NAA38: variants seen among roughly 807,000 people sequenced by gnomAD.
NAA38 encodes the protein LSM domain containing 1.
In NAA38, 15 loss-of-function variants were observed where a neutral mutation model predicts 12.6. The observed-to-expected ratio is 1.19, with a 90% CI of 0.79 to 1.83. NAA38 has a LOEUF of 1.83. Ranked by LOEUF, NAA38 falls within the 40% of genes most tolerant of loss-of-function variation. NAA38 has a pLI of 0.00. For synonymous variants in NAA38, 88 were observed against 69.9 expected (o/e 1.26, Z -1.29); for missense variants, 183 against 171.7 (o/e 1.07, Z -0.37).
intron 2 of NAA38, among the ~76,000 whole-genome samples, chr17:7,874,268 A>C (rs180933333): frequency 1.3e-5 from 2 of 152,288 alleles, no homozygotes; most frequent in East Asian, 3.9e-4. Flanking sequence ...GTTGTGGCCC[A>C]AGTTGGGGGT....
chr17:7,859,023 A>G, upstream of NAA38: 1 of 572,090 alleles, frequency 1.7e-6, no homozygotes, highest in Admixed American at 3.4e-5. Flanking sequence ...CAGGGGGACA[A>G]GAGACTCCTT....
chr17:7,884,466 A>ATG (rs1336078684), intron 1 of NAA38, among the ~76,000 whole-genome samples: 1 of 143,184 alleles, frequency 7.0e-6, no homozygotes, highest in African/African-American at 2.5e-5. Context: ...ACATATATAT[A>ATG]TATATATATA....
chr17:7,884,071 A>AACACAC (rs149257134), intron 1 of NAA38, among the ~76,000 whole-genome samples: 19,057 of 148,476 alleles, frequency 0.13, 1,613 homozygotes, highest in African/African-American at 0.23. Context: ...ATGCCCCCCC[A>AACACAC]ACACACACAC....
At position 7,857,218 on chromosome 17, in the gene NAA38, C is replaced by A. The variant is rs752278997; in HGVS notation, c.82-20G>T. 6.2e-7 allele frequency: 1 copy of A among 1,612,404 alleles called. No individual in the cohort carries two copies. Among genetic ancestry groups the A allele is most frequent in the Non-Finnish European group, 8.5e-7 (1 of 1,179,666 alleles). Reference sequence around the variant, plus strand: ...CGAATCCTGCGCGGGGTGTAACAAGCGCTCAGACCGCGCAGCCCAGGCTGC... The same window carrying A: ...CGAATCCTGCGCGGGGTGTAACAAGAGCTCAGACCGCGCAGCCCAGGCTGC... On this transcript the variant is annotated intron_variant, in intron 1 of 2. Transcript: ENST00000575771.
chr17:7,861,662 C>T (rs944143182), upstream of NAA38: 1 of 152,214 alleles, frequency 6.6e-6, no homozygotes, highest in Non-Finnish European at 1.5e-5. Flanking sequence ...TGTAATCTGT[C>T]TCCTAAATAT....
upstream of NAA38, chr17:7,859,625 A>G: frequency 6.2e-7 from 1 of 1,611,800 alleles, no homozygotes; most frequent in Non-Finnish European, 8.5e-7. Flanking sequence ...AAGGAGATGT[A>G]CACTCGTGTA....
upstream of NAA38, chr17:7,857,944 C>T (rs940681043): frequency 6.3e-6 from 9 of 1,437,444 alleles, no homozygotes; most frequent in Non-Finnish European, 8.2e-6. Flanking sequence ...CCCGTGAACA[C>T]GTGCAGTCCA....
At chr17:7,884,293 G>C (rs1490489611) in intron 1 of NAA38, among the ~76,000 whole-genome samples, 1 of 150,166 alleles carries the variant, frequency 6.7e-6, no homozygotes, top group Non-Finnish European at 1.5e-5. Context: ...CTTTATGGAG[G>C]GGGTGGCGGT....
At chr17:7,883,968 A>G (rs1967385572) in intron 1 of NAA38, among the ~76,000 whole-genome samples, 1 of 152,142 alleles carries the variant, frequency 6.6e-6, no homozygotes, top group South Asian at 2.1e-4. Context: ...TGTCAGACTG[A>G]GCATGAGTAC....
chr17:7,866,370 A>G (rs8070084), intron 3 of NAA38: 107,931 of 692,726 alleles, frequency 0.16, 10,245 homozygotes, highest in East Asian at 0.3. Context: ...GGCCTCCCAG[A>G]GTGCTGGAAT....
intron 1 of NAA38, among the ~76,000 whole-genome samples, chr17:7,883,603 A>G (rs540148304): frequency 1.1e-4 from 17 of 152,324 alleles, no homozygotes; most frequent in Admixed American, 2.6e-4. Context: ...GTATCTATTC[A>G]TATCTCTCCC....
rs921537325 is a variant in NAA38, at chr17:7,857,450, C to T, written c.14G>A (p.Gly5Glu). 1.3e-6 allele frequency: 2 copies of T among 1,541,790 alleles called. No individual in the cohort carries two copies. The highest frequency in any genetic ancestry group is 1.7e-6 in the Non-Finnish European group (2 of 1,144,684). MAGA[G>E]PTMLLREENG... is the part of the protein sequence containing the mutation. ...CTCTTCTCGTAGCAGCATGGTCGGTCCAGCTCCGGCCATTTGCCCGGAGGC... is the reference window on the plus strand; with the variant it reads ...CTCTTCTCGTAGCAGCATGGTCGGTTCAGCTCCGGCCATTTGCCCGGAGGC... Residue 5 changes from glycine (G) to glutamate (E), a missense_variant, in exon 1 of 3, where the codon GGA (glycine) becomes GAA (glutamate). Physicochemically the swap from Gly to Glu is moderately conservative, Grantham distance 98. Transcript: ENST00000575771.
chr17:7,858,198 C>T, upstream of NAA38: 7 of 1,613,968 alleles, frequency 4.3e-6, no homozygotes, highest in Non-Finnish European at 5.9e-6. Context: ...CTATTTCACG[C>T]CGGCGGAGGT....
At chr17:7,884,289 G>T (rs574488138) in intron 1 of NAA38, among the ~76,000 whole-genome samples, 1 of 150,060 alleles carries the variant, frequency 6.7e-6, no homozygotes, top group East Asian at 2.0e-4. Context: ...CTTTCTTTAT[G>T]GAGGGGGTGG....
intron 2 of NAA38, among the ~76,000 whole-genome samples, chr17:7,869,315 C>T (rs1967044104): frequency 6.6e-6 from 1 of 152,172 alleles, no homozygotes; most frequent in African/African-American, 2.4e-5. Context: ...CAGGTGCTAC[C>T]TTTCTGACAC....
chr17:7,878,548 C>A (rs1967215405), intron 2 of NAA38, among the ~76,000 whole-genome samples: 1 of 152,006 alleles, frequency 6.6e-6, no homozygotes, highest in Admixed American at 6.6e-5. Context: ...ATGGTAAAAC[C>A]CCGCCTCTGC....
At chr17:7,871,609 C>T (rs1482769199) in intron 2 of NAA38, among the ~76,000 whole-genome samples, 1 of 152,142 alleles carries the variant, frequency 6.6e-6, no homozygotes, top group African/African-American at 2.4e-5. Context: ...CCAGCAGCTT[C>T]TTGATCACTG....
chr17:7,857,627 C>T (rs2078839042), upstream of NAA38: 4 of 1,361,876 alleles, frequency 2.9e-6, no homozygotes, highest in Non-Finnish European at 2.8e-6. Context: ...GCTTCTCCTA[C>T]TTCTCTAGCG....
intron 2 of NAA38, among the ~76,000 whole-genome samples, chr17:7,867,023 T>C (rs1597878574): frequency 6.6e-6 from 1 of 152,090 alleles, no homozygotes; most frequent in African/African-American, 2.4e-5. Context: ...AAGCTAAGAT[T>C]TGAAGGACAA....
Sources: gnomAD v4.1 joint callset for allele counts (sites outside exome capture counted in the v4.1 genomes callset) on GRCh38, gnomAD v4.1.1 for gene constraint, MANE v1.5 for transcripts, NCBI Gene and HGNC (gene_info 2026-07-23, HGNC 2026-07-21) for gene names.